Variants in TMEM132D observed in about 807,000 individuals in gnomAD.
TMEM132D encodes transmembrane protein 132D, also known as mature OL transmembrane protein.
In TMEM132D, 21 loss-of-function variants were observed where a neutral mutation model predicts 62.3. The observed-to-expected ratio is 0.34, with a 90% CI of 0.24 to 0.49. The LOEUF is 0.49. Ranked by LOEUF, TMEM132D falls within the 20% of genes least tolerant of loss-of-function variation. The pLI, the probability that TMEM132D is intolerant of heterozygous loss-of-function variation, is 0.99. For synonymous variants in TMEM132D, 621 were observed against 575.6 expected, an observed-to-expected ratio of 1.08 and a Z score of -1.13; for missense variants, 1,346 against 1,402.8, an observed-to-expected ratio of 0.96 and a Z score of 0.65.
chr12:129,576,386 G>A (rs1252601206), intron 2 of TMEM132D, among the ~76,000 whole-genome samples: 1 of 151,792 alleles, frequency 6.6e-6, no homozygotes, highest in African/African-American at 2.4e-5. Flanking sequence ...GGGTTCTCCA[G>A]AGAAACAGAA....
chr12:129,114,620 T>G (rs1875835740), intron 5 of TMEM132D, among the ~76,000 whole-genome samples: 1 of 152,188 alleles, frequency 6.6e-6, no homozygotes, highest in Non-Finnish European at 1.5e-5. Context: ...CAGACCCACT[T>G]CAACAACCAG....
chr12:129,687,657 C>CAGGAGCATCT (rs1188482690), intron 2 of TMEM132D, among the ~76,000 whole-genome samples: 1 of 152,102 alleles, frequency 6.6e-6, no homozygotes, highest in Non-Finnish European at 1.5e-5. Context: ...CAGATGTTCA[C>CAGGAGCATCT]AGGAGCATCT....
intron 4 of TMEM132D, among the ~76,000 whole-genome samples, chr12:129,242,425 T>A (rs4759924): frequency 0.24 from 37,108 of 152,158 alleles, 4,600 homozygotes; most frequent in Non-Finnish European, 0.26. Flanking sequence ...GATAATTATA[T>A]ATTTACACCA....
chr12:129,888,152 A>C (rs1874803678), intron 1 of TMEM132D, among the ~76,000 whole-genome samples: 1 of 152,242 alleles, frequency 6.6e-6, no homozygotes, highest in Non-Finnish European at 1.5e-5. Context: ...TTTTAACAGC[A>C]CATAATGCAA....
chr12:129,329,357 T>C (rs1042069235), intron 4 of TMEM132D, among the ~76,000 whole-genome samples: 2 of 152,172 alleles, frequency 1.3e-5, no homozygotes, highest in African/African-American at 4.8e-5. Flanking sequence ...AAAGCCATAG[T>C]GTGCTGTGCA....
At chr12:129,623,350 G>A (rs1053773923) in intron 2 of TMEM132D, among the ~76,000 whole-genome samples, 9 of 152,080 alleles carry the variant, frequency 5.9e-5, no homozygotes, top group Non-Finnish European at 1.2e-4. Flanking sequence ...TTATATAGTG[G>A]TGAAGGCTGG....
intron 2 of TMEM132D, among the ~76,000 whole-genome samples, chr12:129,626,186 C>A (rs1308660286): frequency 6.6e-6 from 1 of 152,090 alleles, no homozygotes; most frequent in Non-Finnish European, 1.5e-5. Flanking sequence ...AGAGCCTTTA[C>A]TGGTCCCAGG....
chr12:129,721,333 G>A (rs1868821623), intron 1 of TMEM132D, among the ~76,000 whole-genome samples: 1 of 152,192 alleles, frequency 6.6e-6, no homozygotes, highest in Admixed American at 6.5e-5. Flanking sequence ...GTCCTATCTG[G>A]ATGTGCTTTG....
At chr12:129,664,850 A>G (rs887586681) in intron 2 of TMEM132D, among the ~76,000 whole-genome samples, 61 of 152,186 alleles carry the variant, frequency 4.0e-4, no homozygotes, top group Non-Finnish European at 1.0e-4. Flanking sequence ...ACCCCTGGAC[A>G]CAAAAACAAT....
chr12:129,126,007 G>C (rs1876202463), intron 5 of TMEM132D, among the ~76,000 whole-genome samples: 1 of 152,108 alleles, frequency 6.6e-6, no homozygotes, highest in African/African-American at 2.4e-5. Flanking sequence ...ACATTCCCGG[G>C]GGGCCAGCTA....
chr12:129,565,416 A>G (rs1386499575), intron 2 of TMEM132D, among the ~76,000 whole-genome samples: 1 of 152,254 alleles, frequency 6.6e-6, no homozygotes, highest in Non-Finnish European at 1.5e-5. Context: ...TCTTATTGCT[A>G]CAAAGAGTCT....
At chr12:129,687,647 C>A (rs1388750134) in intron 2 of TMEM132D, among the ~76,000 whole-genome samples, 1 of 152,028 alleles carries the variant, frequency 6.6e-6, no homozygotes, top group Non-Finnish European at 1.5e-5. Flanking sequence ...AAAGGCTGGA[C>A]AGATGTTCAC....
chr12:129,451,471 T>C (rs1873285435), intron 3 of TMEM132D, among the ~76,000 whole-genome samples: 1 of 152,170 alleles, frequency 6.6e-6, no homozygotes, highest in African/African-American at 2.4e-5. Context: ...ATAGAGAAGT[T>C]TGGGTAGCAA....
chr12:129,381,292 G>T (rs887518315), intron 3 of TMEM132D, among the ~76,000 whole-genome samples: 1 of 152,076 alleles, frequency 6.6e-6, no homozygotes, highest in African/African-American at 2.4e-5. Context: ...ATACAAATAA[G>T]CAGTGATAAA....
chr12:129,452,252 C>T (rs530665252), intron 3 of TMEM132D, among the ~76,000 whole-genome samples: 4 of 152,264 alleles, frequency 2.6e-5, no homozygotes, highest in South Asian at 4.1e-4. Context: ...AATAACATGC[C>T]GAACACCGGA....
intron 1 of TMEM132D, among the ~76,000 whole-genome samples, chr12:129,757,359 G>A (rs1161386258): frequency 1.3e-5 from 2 of 152,008 alleles, no homozygotes; most frequent in African/African-American, 4.8e-5. Context: ...TTTGCAGAGG[G>A]GTCATTGCTT....
chr12:129,238,726 C>T (rs1423490579), intron 4 of TMEM132D, among the ~76,000 whole-genome samples: 1 of 152,202 alleles, frequency 6.6e-6, no homozygotes, highest in African/African-American at 2.4e-5. Flanking sequence ...TCCGTTCATC[C>T]ACTGATGGAC....
intron 3 of TMEM132D, among the ~76,000 whole-genome samples, chr12:129,518,642 A>G (rs1875754025): frequency 1.3e-5 from 2 of 151,914 alleles, no homozygotes; most frequent in South Asian, 4.1e-4. Flanking sequence ...TTGCTACTCT[A>G]TATGTTTTAT....
intron 3 of TMEM132D, among the ~76,000 whole-genome samples, chr12:129,502,596 C>T (rs1458620749): frequency 6.6e-6 from 1 of 151,870 alleles, no homozygotes; most frequent in Non-Finnish European, 1.5e-5. Context: ...TTTGTCTTTC[C>T]TCTGTGAGTA....
Sources: gnomAD v4.1 joint callset for allele counts (sites outside exome capture counted in the v4.1 genomes callset) on GRCh38, gnomAD v4.1.1 for gene constraint, MANE v1.5 for transcripts, NCBI Gene and HGNC (gene_info 2026-07-23, HGNC 2026-07-21) for gene names.